The following MECOM variants were observed in gnomAD, a reference collection of about 807,000 sequenced individuals.
MECOM encodes histone-lysine N-methyltransferase MECOM.
A neutral mutation model predicts 116.3 loss-of-function variants in MECOM; 13 were observed. That is an observed-to-expected ratio of 0.11 (90% CI 0.07 to 0.18). The LOEUF (loss-of-function observed/expected upper bound fraction) is 0.18, where lower values mean the gene tolerates loss of function less well. MECOM is among the 10% of genes least tolerant of loss of function. The probability of loss-of-function intolerance (pLI) is 1.00; values close to 1 mark genes in which losing one functional copy is unlikely to be tolerated. For missense variants in MECOM, 1,299 were observed against 1,509.0 expected, an observed-to-expected ratio of 0.86 and a Z score of 2.31; for synonymous variants, 528 against 535.2, an observed-to-expected ratio of 0.99 and a Z score of 0.19.
chr3:169,347,500 G>A (rs1166978381), intron 2 of MECOM, among the ~76,000 whole-genome samples: 3 of 151,764 alleles, frequency 2.0e-5, no homozygotes, highest in Admixed American at 2.0e-4. Flanking sequence ...ATTTACTAGG[G>A]GAAAAAAGAC....
At chr3:169,395,034 C>G (rs1734814497) in intron 1 of MECOM, among the ~76,000 whole-genome samples, 1 of 152,108 alleles carries the variant, frequency 6.6e-6, no homozygotes, top group Non-Finnish European at 1.5e-5. Flanking sequence ...TTATATACAT[C>G]AGGTCAAATA....
intron 1 of MECOM, among the ~76,000 whole-genome samples, chr3:169,549,568 G>T (rs1032044776): frequency 2.0e-5 from 3 of 152,080 alleles, no homozygotes; most frequent in Non-Finnish European, 4.4e-5. Context: ...GATTGTTCTG[G>T]GGGATAAACC....
chr3:169,101,541 G>T (rs1576912438), intron 11 of MECOM, among the ~76,000 whole-genome samples: 1 of 148,680 alleles, frequency 6.7e-6, no homozygotes, highest in East Asian at 2.0e-4. Flanking sequence ...TTCTAAAGAT[G>T]ATTCAGAAAT....
chr3:169,372,276 AGGT>A (rs1300345926), intron 2 of MECOM, among the ~76,000 whole-genome samples: 1 of 152,130 alleles, frequency 6.6e-6, no homozygotes, highest in African/African-American at 2.4e-5. Context: ...GGCACATGAC[AGGT>A]GCATCAACAA....
At chr3:169,622,251 G>A (rs953323852) in intron 1 of MECOM, among the ~76,000 whole-genome samples, 22 of 151,938 alleles carry the variant, frequency 1.4e-4, no homozygotes, top group Admixed American at 3.9e-4. Flanking sequence ...CACCATGCCC[G>A]GCTAATTTTT....
At chr3:169,270,558 G>A (rs1758823318) in intron 2 of MECOM, among the ~76,000 whole-genome samples, 1 of 151,910 alleles carries the variant, frequency 6.6e-6, no homozygotes, top group African/African-American at 2.4e-5. Context: ...CAGAAAGCAA[G>A]AACAGAAATT....
At chr3:169,439,239 C>T (rs1291034434) in intron 1 of MECOM, among the ~76,000 whole-genome samples, 15 of 146,184 alleles carry the variant, frequency 1.0e-4, no homozygotes, top group Non-Finnish European at 2.2e-4. Context: ...ACCTTCTGTT[C>T]ATTTAGAGAT....
chr3:169,532,920 A>G (rs544558399), intron 1 of MECOM, among the ~76,000 whole-genome samples: 4 of 152,176 alleles, frequency 2.6e-5, no homozygotes, highest in African/African-American at 7.2e-5. Context: ...ACAACAACAA[A>G]ACCCCAGAAA....
chr3:169,163,166 A>ATC (rs1743092049), intron 2 of MECOM, among the ~76,000 whole-genome samples: 2 of 152,192 alleles, frequency 1.3e-5, no homozygotes, highest in African/African-American at 4.8e-5. Flanking sequence ...TTTGTAAGTA[A>ATC]TTTGGCTAAG....
At chr3:169,198,503 T>C (rs963373370) in intron 2 of MECOM, among the ~76,000 whole-genome samples, 4 of 152,052 alleles carry the variant, frequency 2.6e-5, no homozygotes, top group African/African-American at 7.2e-5. Flanking sequence ...ACTTCTTCCA[T>C]GGTTTAGGCA....
At chr3:169,239,890 T>A (rs1277998586) in intron 2 of MECOM, among the ~76,000 whole-genome samples, 1 of 152,092 alleles carries the variant, frequency 6.6e-6, no homozygotes, top group Non-Finnish European at 1.5e-5. Context: ...AAATAAAAGG[T>A]TTGCTGGCTT....
chr3:169,253,422 C>A (rs867848589), intron 2 of MECOM, among the ~76,000 whole-genome samples: 2 of 147,004 alleles, frequency 1.4e-5, no homozygotes, highest in Non-Finnish European at 3.0e-5. Flanking sequence ...TATTCGACTT[C>A]TTTTCCTAAA....
intron 2 of MECOM, among the ~76,000 whole-genome samples, chr3:169,195,750 G>A (rs1489510030): frequency 4.6e-5 from 7 of 152,002 alleles, no homozygotes. Context: ...TGAAAAAAAT[G>A]GGGGATGGGA....
chr3:169,374,384 T>C (rs1560190784), intron 2 of MECOM, among the ~76,000 whole-genome samples: 2 of 151,942 alleles, frequency 1.3e-5, no homozygotes, highest in South Asian at 4.1e-4. Flanking sequence ...AGCTGACTAA[T>C]ACAGTCTGCT....
chr3:169,450,970 C>T (rs1745479112), intron 1 of MECOM, among the ~76,000 whole-genome samples: 1 of 152,116 alleles, frequency 6.6e-6, no homozygotes, highest in African/African-American at 2.4e-5. Flanking sequence ...TAACTGTTTT[C>T]CATTCAATAT....
chr3:169,191,716 GAAAAA>G lies in MECOM; in HGVS notation c.376-47889_376-47885del, dbSNP rs5854314. On this transcript the variant is annotated intron_variant, in intron 2 of 16. Coordinates refer to ENST00000651503, the MANE Select transcript of MECOM (RefSeq NM_004991.4). ...AAGAGATAGAAAAGAAAGAAAGAAA[GAAAAA>G]AAGAAAGAAAGAAAGAAAGAGAAAG... Among the ~76,000 whole-genome samples the G allele has an allele frequency of 2.1e-3, 246 of 118,398 alleles. 3 individuals carry two copies. The highest frequency in any genetic ancestry group is 3.9e-3 in the Middle Eastern group (1 of 254). 77.7% of individuals were successfully genotyped at this position (118,398 alleles called of 152,430 possible).
intron 2 of MECOM, among the ~76,000 whole-genome samples, chr3:169,214,973 T>A (rs1348677765): frequency 6.7e-6 from 1 of 149,690 alleles, no homozygotes; most frequent in Non-Finnish European, 1.5e-5. Flanking sequence ...AATCAGAGCA[T>A]GTGAAGATTT....
At chr3:169,655,894 A>G (rs1271541986) in intron 1 of MECOM, among the ~76,000 whole-genome samples, 1 of 152,228 alleles carries the variant, frequency 6.6e-6, no homozygotes, top group Non-Finnish European at 1.5e-5. Flanking sequence ...CACACATTAT[A>G]CCAATTAACT....
intron 1 of MECOM, among the ~76,000 whole-genome samples, chr3:169,548,978 T>TC (rs1387040922): frequency 6.7e-6 from 1 of 150,238 alleles, no homozygotes; most frequent in Admixed American, 6.6e-5. Flanking sequence ...TCTCTTTTTT[T>TC]TTTTTTTTTT....
Sources: gnomAD v4.1 joint callset for allele counts (sites outside exome capture counted in the v4.1 genomes callset) on GRCh38, gnomAD v4.1.1 for gene constraint, MANE v1.5 for transcripts, NCBI Gene and HGNC (gene_info 2026-07-23, HGNC 2026-07-21) for gene names.